The following MTHFD1L variants were observed in gnomAD, a reference collection of about 807,000 sequenced individuals.
MTHFD1L encodes the protein monofunctional C1-tetrahydrofolate synthase, mitochondrial.
Under a neutral mutation model 119.5 loss-of-function variants are expected in MTHFD1L, and 81 were observed. The observed-to-expected ratio is 0.68, with a 90% CI of 0.57 to 0.82. The LOEUF (loss-of-function observed/expected upper bound fraction) is 0.82. MTHFD1L is among the 40% of genes least tolerant of loss of function. MTHFD1L has a pLI of 0.00. For missense variants in MTHFD1L, 1,125 were observed against 1,253.4 expected (o/e 0.90, Z 1.55); for synonymous variants, 430 against 475.2 (o/e 0.90, Z 1.24).
rs558569657 is a variant in MTHFD1L at position 150,872,168 on chromosome 6, G to A, written c.228-3922G>A. 9.3e-4 allele frequency among the ~76,000 whole-genome samples: 141 copies of A among 152,222 alleles called. 1 individual carries two copies. The South Asian group carries it at 0.028, about 31-fold the overall frequency. ...TGGGATTACAGGTGTGAGCCACTGC[G>A]CCCGGCCTAATAAGGCTGTTTTCTT... On this transcript the variant is annotated intron_variant, in intron 1 of 27. Coordinates refer to ENST00000367321, the MANE Select transcript of MTHFD1L (RefSeq NM_015440.5).
At chr6:151,016,591 G>C (rs1214902674) in intron 24 of MTHFD1L, among the ~76,000 whole-genome samples, 3 of 151,802 alleles carry the variant, frequency 2.0e-5, no homozygotes, top group Non-Finnish European at 4.4e-5. Flanking sequence ...AAAGTGCTGG[G>C]ATTATAGGCA....
At chr6:151,010,868 A>G (rs893263335) in intron 21 of MTHFD1L, among the ~76,000 whole-genome samples, 2 of 152,248 alleles carry the variant, frequency 1.3e-5, no homozygotes, top group Admixed American at 1.3e-4. Flanking sequence ...CAAAAGTCAT[A>G]TATTCAATGA....
rs1010233138 is a variant in MTHFD1L at position 151,033,269 on chromosome 6, G to A, written c.2587-1224G>A. On this transcript the variant is annotated intron_variant, in intron 24 of 27. Transcript: ENST00000367321. ...TGAGTAGCTGGGATTACAGAAGTGC[G>A]CTGCCACACCCAGCTGATTTTTGTA... Among the ~76,000 whole-genome samples, 79 of 151,950 alleles carry A rather than the reference G, an allele frequency of 5.2e-4. 2 individuals are homozygous for A. Among genetic ancestry groups the A allele is most frequent in the Admixed American group, 5.2e-4 (8 of 15,252 alleles).
chr6:151,080,760 G>A (rs1793065264), intron 26 of MTHFD1L, among the ~76,000 whole-genome samples: 1 of 152,190 alleles, frequency 6.6e-6, no homozygotes, highest in Non-Finnish European at 1.5e-5. Context: ...TTTCTGCTGA[G>A]GCCTCTCTTC....
At chr6:151,083,417 C>G (rs11155774) in intron 26 of MTHFD1L, among the ~76,000 whole-genome samples, 15 of 152,116 alleles carry the variant, frequency 9.9e-5, no homozygotes, top group Middle Eastern at 3.4e-3. Context: ...AGGATGGTCT[C>G]GATTTCTTGA....
rs34683676 is a variant in MTHFD1L at position 151,023,048 on chromosome 6, G to GTT, written c.2586+7370_2586+7371dup. Among the ~76,000 whole-genome samples the GTT allele has an allele frequency of 1.4e-3, 190 of 134,162 alleles. 5 individuals are homozygous for GTT. In the East Asian group the frequency reaches 0.031, roughly 22 times the overall value. The allele number at this position is 134,162 out of a possible 152,430, so 88.0% of individuals were successfully genotyped here. On this transcript the variant is annotated intron_variant, in intron 24 of 27. Transcript: ENST00000367321. Reference sequence around the variant, plus strand: ...TGTTGGTTGGTTGGTTGGTTTTTGGGTTTTTTTTTTTTTTTTGAGGCAGAG... The same window carrying GTT: ...TGTTGGTTGGTTGGTTGGTTTTTGGGTTTTTTTTTTTTTTTTTTGAGGCAGAG...
intron 20 of MTHFD1L, among the ~76,000 whole-genome samples, chr6:151,004,036 G>A (rs1781031260): frequency 6.7e-6 from 1 of 148,918 alleles, no homozygotes; most frequent in South Asian, 2.1e-4. Context: ...AAGAGAGAGA[G>A]AGATTGGTGA....
chr6:150,870,876 C>T (rs1779302510), intron 1 of MTHFD1L, among the ~76,000 whole-genome samples: 1 of 150,248 alleles, frequency 6.7e-6, no homozygotes, highest in African/African-American at 2.4e-5. Context: ...TGTGGTAAGC[C>T]ACTACACTCC....
chr6:150,887,997 G>A lies in MTHFD1L; in HGVS notation c.780+16G>A. ...TCAAAGCAAGGTAAATTTCATGTTA[G>A]AAACATACATCTTGAAGGCTTCTGT... On this transcript the variant is annotated intron_variant, in intron 7 of 27. Transcript: ENST00000367321. 1 of 1,590,000 alleles carries A rather than the reference G, an allele frequency of 6.3e-7. No homozygotes were observed. Among genetic ancestry groups the A allele is most frequent in the South Asian group, 1.2e-5 (1 of 85,498 alleles).
chr6:150,940,102 T>G (rs1464668919), intron 13 of MTHFD1L, among the ~76,000 whole-genome samples: 1 of 152,154 alleles, frequency 6.6e-6, no homozygotes, highest in Non-Finnish European at 1.5e-5. Context: ...GGTTCTTCTC[T>G]ACCCCACAGA....
chr6:151,042,092 C>G, intron 26 of MTHFD1L: 1 of 305,480 alleles, frequency 3.3e-6, no homozygotes, highest in Non-Finnish European at 6.4e-6. Context: ...GTCTATTTCA[C>G]TGCCCCATGC....
At chr6:150,994,791 G>C (rs1451795358) in intron 20 of MTHFD1L, among the ~76,000 whole-genome samples, 1 of 152,154 alleles carries the variant, frequency 6.6e-6, no homozygotes, top group Non-Finnish European at 1.5e-5. Context: ...TAGATTAGTT[G>C]AATCGATTGG....
chr6:150,866,273 G>A (rs965139995), intron 1 of MTHFD1L: 1 of 1,456,320 alleles, frequency 6.9e-7, no homozygotes, highest in Non-Finnish European at 9.0e-7. Flanking sequence ...GGCCCGCAGC[G>A]CAGGTGGGCG....
intron 20 of MTHFD1L, among the ~76,000 whole-genome samples, chr6:150,988,224 G>T (rs1020174290): frequency 6.6e-6 from 1 of 152,104 alleles, no homozygotes; most frequent in Non-Finnish European, 1.5e-5. Context: ...TTCATAAAAT[G>T]CATAAGCTTT....
chr6:150,966,052 G>T (rs1205550318), intron 19 of MTHFD1L, among the ~76,000 whole-genome samples: 14 of 152,176 alleles, frequency 9.2e-5, no homozygotes, highest in Non-Finnish European at 1.3e-4. Context: ...TGGACAGAGG[G>T]TTACCTTTAG....
chr6:150,957,520 CA>C (rs66476332), intron 17 of MTHFD1L, among the ~76,000 whole-genome samples: 43,123 of 151,872 alleles, frequency 0.28, 6,455 homozygotes, highest in East Asian at 0.49. Context: ...ATGAAAAGAA[CA>C]AGAAAATGTG....
chr6:150,902,840 T>G (rs1309398163), intron 7 of MTHFD1L, among the ~76,000 whole-genome samples: 2 of 152,222 alleles, frequency 1.3e-5, no homozygotes, highest in Non-Finnish European at 2.9e-5. Flanking sequence ...GATCCTTGGC[T>G]TTCTCCAAAA....
intron 26 of MTHFD1L, among the ~76,000 whole-genome samples, chr6:151,048,966 C>T (rs1788547636): frequency 6.6e-6 from 1 of 152,186 alleles, no homozygotes; most frequent in African/African-American, 2.4e-5. Context: ...GGTGTCGGAT[C>T]CCACAGATTG....
At chr6:150,941,154 G>A (rs150071012) in intron 13 of MTHFD1L, among the ~76,000 whole-genome samples, 2 of 152,346 alleles carry the variant, frequency 1.3e-5, no homozygotes, top group East Asian at 1.9e-4. Context: ...ATGGGAAGGA[G>A]CCGGCCTTGT....
Sources: allele counts gnomAD v4.1 joint callset (sites outside exome capture counted in the v4.1 genomes callset), GRCh38; gene constraint gnomAD v4.1.1; transcripts MANE v1.5; gene names NCBI Gene and HGNC (gene_info 2026-07-23, HGNC 2026-07-21).